The following PDZRN3 variants were observed in gnomAD, a reference collection of about 807,000 sequenced individuals.
PDZRN3 encodes the protein E3 ubiquitin-protein ligase PDZRN3.
Under a neutral mutation model 85.7 loss-of-function variants are expected in PDZRN3, and 38 were observed. The observed-to-expected ratio is 0.44, with a 90% CI of 0.34 to 0.58. The LOEUF (loss-of-function observed/expected upper bound fraction) is 0.58. Ranked by LOEUF, PDZRN3 falls within the 20% of genes least tolerant of loss-of-function variation. PDZRN3 has a pLI of 0.01. For missense variants in PDZRN3, 1,629 were observed against 1,506.4 expected, an observed-to-expected ratio of 1.08 and a Z score of -1.35; for synonymous variants, 759 against 638.0, an observed-to-expected ratio of 1.19 and a Z score of -2.86.
intron 3 of PDZRN3, among the ~76,000 whole-genome samples, chr3:73,424,470 G>C (rs975937550): frequency 2.0e-5 from 3 of 146,568 alleles, no homozygotes; most frequent in Admixed American, 6.9e-5. Context: ...GAACCCGGGA[G>C]GCCAGAGCTT....
chr3:73,592,636 G>A (rs1410653247), intron 3 of PDZRN3, among the ~76,000 whole-genome samples: 1 of 152,172 alleles, frequency 6.6e-6, no homozygotes, highest in Admixed American at 6.5e-5. Context: ...ACTGAGCACT[G>A]TGGCACTTGG....
chr3:73,610,487 T>C (rs1021975947), intron 1 of PDZRN3, among the ~76,000 whole-genome samples: 11 of 152,208 alleles, frequency 7.2e-5, no homozygotes, highest in South Asian at 4.1e-4. Context: ...ATCAACCTAA[T>C]AGTTTTGAGA....
intron 5 of PDZRN3, among the ~76,000 whole-genome samples, chr3:73,396,185 CCAGCCTGGACGA>C (rs1216741807): frequency 1.1e-4 from 16 of 152,224 alleles, no homozygotes; most frequent in African/African-American, 3.4e-4. Flanking sequence ...CCACTGCACT[CCAGCCTGGACGA>C]CAGCAAGACG....
At chr3:73,470,347 G>A (rs1462833014) in intron 3 of PDZRN3, among the ~76,000 whole-genome samples, 1 of 152,198 alleles carries the variant, frequency 6.6e-6, no homozygotes, top group Non-Finnish European at 1.5e-5. Context: ...AGTGTGGTCT[G>A]AGACTATATA....
intron 3 of PDZRN3, among the ~76,000 whole-genome samples, chr3:73,560,661 C>A (rs1701797301): frequency 6.6e-6 from 1 of 152,184 alleles, no homozygotes. Flanking sequence ...TTCCCATATT[C>A]ATGGGATGGA....
intron 3 of PDZRN3, among the ~76,000 whole-genome samples, chr3:73,438,940 C>T (rs1019883287): frequency 3.3e-5 from 5 of 152,158 alleles, no homozygotes; most frequent in African/African-American, 9.7e-5. Flanking sequence ...CACACCTCCA[C>T]GTCTACACAT....
intron 3 of PDZRN3, among the ~76,000 whole-genome samples, chr3:73,425,262 C>A (rs1702289184): frequency 6.6e-6 from 1 of 152,072 alleles, no homozygotes; most frequent in Non-Finnish European, 1.5e-5. Context: ...TAGTGATCCA[C>A]CCGCCTCAGC....
At chr3:73,537,923 G>A (rs994759003) in intron 3 of PDZRN3, among the ~76,000 whole-genome samples, 1 of 151,964 alleles carries the variant, frequency 6.6e-6, no homozygotes, top group African/African-American at 2.4e-5. Context: ...GTTGTGCCTG[G>A]TACAACTGTT....
At chr3:73,428,849 CAATA>C (rs2106794590) in intron 3 of PDZRN3, among the ~76,000 whole-genome samples, 1 of 151,640 alleles carries the variant, frequency 6.6e-6, no homozygotes, top group South Asian at 2.1e-4. Flanking sequence ...GCTCCATATT[CAATA>C]AAGGGCCCTG....
Position 73,382,488 on chromosome 3 carries a change from A to G in PDZRN3, c.*877T>C, listed in dbSNP as rs1703252001. 6.6e-6 allele frequency: 1 copy of G among 152,658 alleles called. No individual in the cohort carries two copies. The highest frequency in any genetic ancestry group is 1.5e-5 in the Non-Finnish European group (1 of 68,040). The allele number at this position is 152,658 out of a possible 1,614,324, so 9.5% of individuals were successfully genotyped here. ...CACTGCAAAATGAGGAATCACATCAAAACATATCAAATAGAAAATAATAAT... is the reference window on the plus strand; with the variant it reads ...CACTGCAAAATGAGGAATCACATCAGAACATATCAAATAGAAAATAATAAT... On this transcript the variant is annotated 3_prime_UTR_variant, in exon 10 of 10. Coordinates refer to ENST00000263666, the MANE Select transcript of PDZRN3 (RefSeq NM_015009.3).
chr3:73,450,134 T>C (rs750040252), intron 3 of PDZRN3, among the ~76,000 whole-genome samples: 7 of 152,186 alleles, frequency 4.6e-5, no homozygotes, highest in Admixed American at 2.6e-4. Flanking sequence ...TCTAACAGCA[T>C]TGGTTTTTGG....
At chr3:73,525,817 G>A (rs1037519469) in intron 3 of PDZRN3, among the ~76,000 whole-genome samples, 4 of 152,186 alleles carry the variant, frequency 2.6e-5, no homozygotes, top group South Asian at 2.1e-4. Context: ...CCAGTCTCAC[G>A]TGGTTTTCCT....
Position 73,566,017 on chromosome 3 carries a change from A to G in PDZRN3, c.918+36337T>C, listed in dbSNP as rs368444172. On this transcript the variant is annotated intron_variant, in intron 3 of 9. Coordinates refer to ENST00000263666, the MANE Select transcript of PDZRN3 (RefSeq NM_015009.3). ...CTTTTCTTACCTCCAGAAAAGTCAAACAGCTGAAAGCCTGAATATCCAGAG... is the reference window on the plus strand; with the variant it reads ...CTTTTCTTACCTCCAGAAAAGTCAAGCAGCTGAAAGCCTGAATATCCAGAG... 3.7e-4 allele frequency among the ~76,000 whole-genome samples: 56 copies of G among 152,346 alleles called. No individual in the cohort carries two copies. In the South Asian group the frequency reaches 0.011, roughly 31 times the overall value.
At chr3:73,385,976 A>C (rs1701373723) in intron 8 of PDZRN3, among the ~76,000 whole-genome samples, 191 bp from the exon 9 acceptor site, 1 of 151,904 alleles carries the variant, frequency 6.6e-6, no homozygotes, top group Admixed American at 6.6e-5. Flanking sequence ...ACAGACCTCC[A>C]ACCCTACACT....
intron 3 of PDZRN3, among the ~76,000 whole-genome samples, chr3:73,489,575 C>CTTTTCTTTTCT (rs576536883): frequency 3.7e-5 from 3 of 80,096 alleles, no homozygotes; most frequent in African/African-American, 1.4e-4. Flanking sequence ...AGTTTCTTTT[C>CTTTTCTTTTCT]TTTTTTTTTT....
intron 3 of PDZRN3, among the ~76,000 whole-genome samples, chr3:73,535,597 T>C (rs867251469): frequency 3.9e-5 from 6 of 152,216 alleles, no homozygotes; most frequent in African/African-American, 7.2e-5. Flanking sequence ...AGCTGCCTTT[T>C]TGGGGAGAGA....
intron 3 of PDZRN3, among the ~76,000 whole-genome samples, chr3:73,592,947 AGCGTTCCCCTAGCGCTC>A (rs1200136608): frequency 6.6e-6 from 1 of 152,182 alleles, no homozygotes; most frequent in African/African-American, 2.4e-5. Context: ...ACTGCTTTGA[AGCGTTCCCCTAGCGCTC>A]GCTCATGTTA....
At position 73,384,220 on chromosome 3, in the gene PDZRN3, CGCTCTCCTCAAG is replaced by C; in HGVS notation, c.2334_2345del (p.Leu779_Ala782del). The C allele has an allele frequency of 2.5e-6, 4 of 1,613,806 alleles. No individual in the cohort carries two copies. The highest frequency in any genetic ancestry group is 3.4e-6 in the Non-Finnish European group (4 of 1,180,028). Reference sequence around the variant, plus strand: ...TGCTCGGGCAGCTGATGCCCTCCGCCGCTCTCCTCAAGGAGTTGTCGGGGGAGATCTCCAGGG... The same window carrying C: ...TGCTCGGGCAGCTGATGCCCTCCGCCGAGTTGTCGGGGGAGATCTCCAGGG... On this transcript the variant is annotated inframe_deletion, in exon 10 of 10. Coordinates refer to ENST00000263666, the MANE Select transcript of PDZRN3 (RefSeq NM_015009.3).
chr3:73,611,175 T>C (rs546935887), intron 1 of PDZRN3, among the ~76,000 whole-genome samples: 17 of 152,334 alleles, frequency 1.1e-4, no homozygotes, highest in Non-Finnish European at 2.4e-4. Flanking sequence ...CTGTTCAAGA[T>C]GGTTTTATTG....
Sources: gnomAD v4.1 joint callset for allele counts (sites outside exome capture counted in the v4.1 genomes callset) on GRCh38, gnomAD v4.1.1 for gene constraint, MANE v1.5 for transcripts, NCBI Gene and HGNC (gene_info 2026-07-23, HGNC 2026-07-21) for gene names.